ASTN1: variants seen among roughly 807,000 people sequenced by gnomAD.
The protein encoded by ASTN1 is astrotactin-1.
ASTN1 carries 41 observed loss-of-function variants against 140.7 expected under a neutral mutation model. The observed-to-expected ratio is 0.29, with a 90% CI of 0.23 to 0.38. The LOEUF is 0.38. Among genes scored for constraint, ASTN1 ranks in the 10% least tolerant of loss-of-function variants. The pLI, the probability that ASTN1 is intolerant of heterozygous loss-of-function variation, is 1.00. For missense variants in ASTN1, 1,479 were observed against 1,678.8 expected (o/e 0.88, Z 2.08); for synonymous variants, 640 against 652.2 (o/e 0.98, Z 0.29).
At chr1:177,150,501 A>G (rs1370019729) in intron 1 of ASTN1, among the ~76,000 whole-genome samples, 1 of 152,200 alleles carries the variant, frequency 6.6e-6, no homozygotes, top group East Asian at 1.9e-4. Context: ...CAGGTAAAGG[A>G]AAAGATGTCA....
intron 1 of ASTN1, 121 bp downstream of exon 1, chr1:177,164,273 C>G: frequency 1.8e-6 from 2 of 1,110,052 alleles, no homozygotes; most frequent in Non-Finnish European, 2.5e-6. Flanking sequence ...TGGGGCGGAT[C>G]CGGGAGGTAG....
intron 1 of ASTN1, among the ~76,000 whole-genome samples, chr1:177,064,664 G>T (rs1264366462): frequency 6.6e-6 from 1 of 152,192 alleles, no homozygotes; most frequent in East Asian, 1.9e-4. Flanking sequence ...TCATGATTCT[G>T]CCTGGACTAG....
rs547132625 is a variant in ASTN1 at position 177,028,808 on chromosome 1, G to A, written c.1120+826C>T. Among the ~76,000 whole-genome samples the A allele has an allele frequency of 2.3e-3, 351 of 152,318 alleles. 1 individual carries two copies. Among genetic ancestry groups the A allele is most frequent in the Admixed American group, 4.4e-3 (68 of 15,304 alleles). ...ATCCTGATAAAGCTCTATGTTCTAC[G>A]CACAAGGTATTGTTAACTCATTTGA... On this transcript the variant is annotated intron_variant, in intron 5 of 22. Coordinates refer to ENST00000361833, the MANE Select transcript of ASTN1 (RefSeq NM_004319.3).
chr1:176,938,367 GTTTA>G (rs1293907649), intron 14 of ASTN1, among the ~76,000 whole-genome samples: 2 of 152,044 alleles, frequency 1.3e-5, no homozygotes, highest in East Asian at 1.9e-4. Context: ...AGTTTGAAAA[GTTTA>G]TTTATAAAAA....
At chr1:176,900,612 T>G (rs1365416787) in intron 16 of ASTN1, among the ~76,000 whole-genome samples, 3 of 152,244 alleles carry the variant, frequency 2.0e-5, no homozygotes, top group African/African-American at 7.2e-5. Context: ...GTTTGATCTC[T>G]GACCTTACCA....
At chr1:176,949,080 T>C (rs772309125) in intron 12 of ASTN1, 105 bp downstream of exon 12, 1 of 1,441,970 alleles carries the variant, frequency 6.9e-7, no homozygotes, top group Non-Finnish European at 9.4e-7. Flanking sequence ...GACTAAGGGA[T>C]GGCCTAGGGT....
intron 8 of ASTN1, among the ~76,000 whole-genome samples, chr1:177,002,347 C>A (rs1028217549): frequency 6.6e-6 from 1 of 150,964 alleles, no homozygotes; most frequent in Admixed American, 6.6e-5. Context: ...ACTACCGACC[C>A]TTAAATAATA....
chr1:177,082,402 A>G (rs1679223588), intron 1 of ASTN1, among the ~76,000 whole-genome samples: 1 of 152,032 alleles, frequency 6.6e-6, no homozygotes, highest in South Asian at 2.1e-4. Flanking sequence ...ATGCTCTTTT[A>G]TTTGGCTCCA....
At chr1:177,154,198 G>A (rs1429864942) in intron 1 of ASTN1, among the ~76,000 whole-genome samples, 1 of 152,108 alleles carries the variant, frequency 6.6e-6, no homozygotes, top group Non-Finnish European at 1.5e-5. Flanking sequence ...ATCACTGAAA[G>A]GACTGGCAAA....
intron 22 of ASTN1, 57 bp downstream of exon 22, chr1:176,868,787 C>A: frequency 6.6e-7 from 1 of 1,510,618 alleles, no homozygotes; most frequent in East Asian, 2.3e-5. Flanking sequence ...TATTACGGCA[C>A]AAGAGGTACA....
At chr1:176,959,564 A>AGACC (rs1426231557) in intron 9 of ASTN1, among the ~76,000 whole-genome samples, 4 of 152,148 alleles carry the variant, frequency 2.6e-5, no homozygotes, top group Non-Finnish European at 5.9e-5. Flanking sequence ...GCCACAGAGC[A>AGACC]GACCCATTGA....
chr1:176,879,133 C>T (rs892080965), intron 20 of ASTN1, among the ~76,000 whole-genome samples: 7 of 152,180 alleles, frequency 4.6e-5, no homozygotes, highest in Admixed American at 2.6e-4. Context: ...GGGCCTGACC[C>T]GGTCCTCTGG....
chr1:177,061,019 C>G (rs1678055983), intron 2 of ASTN1, 59 bp downstream of exon 2: 7 of 1,409,380 alleles, frequency 5.0e-6, no homozygotes, highest in South Asian at 4.9e-5. Context: ...ATACCAAGAC[C>G]CTTAATGTCA....
At chr1:176,895,452 G>T (rs1176266907) in intron 16 of ASTN1, among the ~76,000 whole-genome samples, 1 of 152,226 alleles carries the variant, frequency 6.6e-6, no homozygotes, top group Non-Finnish European at 1.5e-5. Flanking sequence ...CCCACAGCTA[G>T]TAGATTGTGA....
intron 14 of ASTN1, among the ~76,000 whole-genome samples, chr1:176,940,448 G>A (rs1671668419): frequency 6.6e-6 from 1 of 152,178 alleles, no homozygotes; most frequent in African/African-American, 2.4e-5. Context: ...ACCAGAGAAA[G>A]TACAATATGC....
At chr1:177,047,341 A>AAGGGAGGTCCACAAAATATGAC (rs375056627) in intron 2 of ASTN1, among the ~76,000 whole-genome samples, 11 of 152,314 alleles carry the variant, frequency 7.2e-5, no homozygotes, top group African/African-American at 1.9e-4. Flanking sequence ...ATTAAATAGC[A>AAGGGAGGTCCACAAAATATGAC]AGGGAGGTCC....
chr1:176,946,180 T>C, intron 12 of ASTN1, 60 bp from the exon 13 acceptor site: 3 of 1,414,894 alleles, frequency 2.1e-6, no homozygotes, highest in Non-Finnish European at 2.8e-6. Context: ...TGCAGGCAAG[T>C]CAACCCCGTA....
chr1:176,899,946 A>G (rs957248372), intron 16 of ASTN1, among the ~76,000 whole-genome samples: 1 of 152,210 alleles, frequency 6.6e-6, no homozygotes, highest in Non-Finnish European at 1.5e-5. Context: ...CTCCACTTCT[A>G]CATGAAATAA....
intron 5 of ASTN1, among the ~76,000 whole-genome samples, chr1:177,028,566 C>T (rs1676253178): frequency 6.6e-6 from 1 of 152,134 alleles, no homozygotes; most frequent in Admixed American, 6.6e-5. Context: ...TCAGGAGACA[C>T]TGGTTGACTA....
Sources: allele counts gnomAD v4.1 joint callset (sites outside exome capture counted in the v4.1 genomes callset), GRCh38; gene constraint gnomAD v4.1.1; transcripts MANE v1.5; gene names NCBI Gene and HGNC (gene_info 2026-07-23, HGNC 2026-07-21).